Variants in IFNAR2 observed in about 807,000 individuals in gnomAD.
The protein encoded by IFNAR2 is interferon alpha and beta receptor subunit 2, also known as interferon alpha/beta receptor 2.
Under a neutral mutation model 49.4 loss-of-function variants are expected in IFNAR2, and 30 were observed. The ratio of observed to expected loss-of-function variants is 0.61; its 90% CI spans 0.45 to 0.82. IFNAR2 has a LOEUF of 0.82. Ranked by LOEUF, IFNAR2 falls within the 40% of genes least tolerant of loss-of-function variation. The probability of loss-of-function intolerance (pLI) is 0.00; values close to 1 mark genes in which losing one functional copy is unlikely to be tolerated. For synonymous variants in IFNAR2, 224 were observed against 234.5 expected (o/e 0.96, Z 0.41); for missense variants, 600 against 622.7 (o/e 0.96, Z 0.39).
In IFNAR2 at chr21:33,264,077, T is replaced by TC. The variant is rs1988822043; in HGVS notation, c.*578dup. 1 of 152,912 alleles carries TC rather than the reference T, an allele frequency of 6.5e-6. No individual in the cohort carries two copies. Among genetic ancestry groups the TC allele is most frequent in the African/African-American group, 2.4e-5 (1 of 41,536 alleles). 9.5% of individuals were successfully genotyped at this position (152,912 alleles called of 1,614,324 possible). A position where few individuals can be genotyped will look rare whatever the true frequency, so the allele number is the denominator to read the frequency against. ...TTTTACCATGTTGGCCAGGCTGGTC[T>TC]CAAACTCCTGACCTCAAGTGATCTG... is the stretch of plus-strand genomic sequence containing the variant. On this transcript the variant is annotated 3_prime_UTR_variant, in exon 9 of 9. Coordinates refer to ENST00000342136, the MANE Select transcript of IFNAR2 (RefSeq NM_001289125.3).
At chr21:33,243,208 A>G (rs570832685) in intron 2 of IFNAR2, among the ~76,000 whole-genome samples, 2 of 151,886 alleles carry the variant, frequency 1.3e-5, no homozygotes, top group East Asian at 3.9e-4. Flanking sequence ...TTAGCCTCCC[A>G]AGTAGTTGGG....
intron 6 of IFNAR2, among the ~76,000 whole-genome samples, chr21:33,249,298 C>T (rs924430104): frequency 2.7e-5 from 4 of 145,998 alleles, no homozygotes; most frequent in Non-Finnish European, 4.5e-5. Flanking sequence ...GAGCCGAGAT[C>T]GCACCATTGT....
At position 33,230,119 on chromosome 21, in the gene IFNAR2, G is replaced by C. The variant is rs535900527; in HGVS notation, c.-181G>C. 1.0e-6 allele frequency: 1 copy of C among 989,576 alleles called. No individual in the cohort carries two copies. Among genetic ancestry groups the C allele is most frequent in the South Asian group, 4.4e-5 (1 of 22,894 alleles). 61.3% of individuals were successfully genotyped at this position (989,576 alleles called of 1,614,324 possible). ...CGCTTCTGTCCGAGAGGCCGCCCGC[G>C]AGGCGCATCCTGACCGCGAGCGTCG... On this transcript the variant is annotated 5_prime_UTR_variant, in exon 1 of 9. Coordinates refer to ENST00000342136, the MANE Select transcript of IFNAR2 (RefSeq NM_001289125.3). This position sits in a 1 kb window ranked among gnomAD's most constrained non-coding sequence, Gnocchi z 5.5.
At chr21:33,246,677 A>T (rs1987433570) in intron 4 of IFNAR2, 41 bp from the exon 5 acceptor site, 1 of 1,546,910 alleles carries the variant, frequency 6.5e-7, no homozygotes, top group Admixed American at 1.8e-5. Context: ...TCATTACATC[A>T]ATGCTAACAA....
At chr21:33,244,218 A>C (rs952578890) in intron 3 of IFNAR2, among the ~76,000 whole-genome samples, 1 of 152,200 alleles carries the variant, frequency 6.6e-6, no homozygotes, top group African/African-American at 2.4e-5. Flanking sequence ...CAAAGGCCTG[A>C]GTCCTAACCA....
chr21:33,263,737 C>T lies in IFNAR2; in HGVS notation c.*237C>T, dbSNP rs200266441. On this transcript the variant is annotated 3_prime_UTR_variant, in exon 9 of 9. Transcript: ENST00000342136. The stretch of plus-strand genomic sequence containing the variant: ...GTGCACTTTGAAGGAAGCACATGTG[C>T]ACCTTTCCTTTACACTAATGCACTT... The T allele has an allele frequency of 7.5e-6, 4 of 535,630 alleles. No homozygotes were observed. Among genetic ancestry groups the T allele is most frequent in the Non-Finnish European group, 1.3e-5 (4 of 300,702 alleles). 33.2% of individuals were successfully genotyped at this position (535,630 alleles called of 1,614,324 possible).
At chr21:33,262,652 C>A in intron 8 of IFNAR2, 141 bp from the exon 9 acceptor site, 2 of 1,202,218 alleles carry the variant, frequency 1.7e-6, no homozygotes, top group Non-Finnish European at 1.2e-6. Context: ...CTCAAACAGT[C>A]GTCCTGCCTA....
At chr21:33,255,158 A>C (rs1988121961) in intron 7 of IFNAR2, among the ~76,000 whole-genome samples, 1 of 152,244 alleles carries the variant, frequency 6.6e-6, no homozygotes, top group South Asian at 2.1e-4. Context: ...TTAAAACTGC[A>C]TATAGATTCT....
chr21:33,240,895 A>G (rs912275448), intron 1 of IFNAR2, among the ~76,000 whole-genome samples: 6 of 152,158 alleles, frequency 3.9e-5, no homozygotes, highest in Admixed American at 1.3e-4. Context: ...TTGCAGCAAC[A>G]TGGATGGAAC....
In IFNAR2 at chr21:33,262,789, T is replaced by TA; in HGVS notation, c.841-2dup. On this transcript the variant is annotated splice_polypyrimidine_tract_variant and splice_region_variant and intron_variant, in intron 8 of 8. Transcript: ENST00000342136. ...CTCTCTCTCTCTTTTTTTTTTTTTT[T>TA]AAGAATTTTCATAACTTTTTAGCCT... The TA allele has an allele frequency of 6.4e-7, 1 of 1,561,016 alleles. No individual in the cohort carries two copies. Among genetic ancestry groups the TA allele is most frequent in the African/African-American group, 1.4e-5 (1 of 71,884 alleles).
chr21:33,238,241 T>C (rs1339379855), intron 1 of IFNAR2, among the ~76,000 whole-genome samples: 1 of 152,204 alleles, frequency 6.6e-6, no homozygotes, highest in African/African-American at 2.4e-5. Context: ...AACTCGTCTC[T>C]TACTGACCTG....
intron 1 of IFNAR2, chr21:33,236,764 A>T (rs771179364): frequency 4.1e-6 from 4 of 984,914 alleles, no homozygotes; most frequent in Non-Finnish European, 4.8e-6. Flanking sequence ...CTCACATTGA[A>T]AGATAAAATG....
intron 1 of IFNAR2, among the ~76,000 whole-genome samples, chr21:33,238,281 A>G (rs916425510): frequency 1.3e-5 from 2 of 152,066 alleles, no homozygotes; most frequent in African/African-American, 2.4e-5. Flanking sequence ...GTATTTTCCT[A>G]CTTTCTCTAA....
chr21:33,252,440 C>T, intron 6 of IFNAR2: 1 of 984,316 alleles, frequency 1.0e-6, no homozygotes, highest in Non-Finnish European at 1.2e-6. Context: ...GACTAGATGT[C>T]ATGGTTATAA....
At chr21:33,246,158 C>T (rs1987384027) in intron 4 of IFNAR2, among the ~76,000 whole-genome samples, 1 of 151,926 alleles carries the variant, frequency 6.6e-6, no homozygotes, top group African/African-American at 2.4e-5. Context: ...GCAAGCTCCA[C>T]CTCCCGGGTT....
At position 33,262,973 on chromosome 21, in the gene IFNAR2, G is replaced by T; in HGVS notation, c.1021G>T (p.Gly341Ter). 6.2e-7 allele frequency: 1 copy of T among 1,614,168 alleles called. No individual in the cohort carries two copies. The highest frequency in any genetic ancestry group is 8.5e-7 in the Non-Finnish European group (1 of 1,180,016). The change falls in exon 9 of 9, where the codon GGA becomes TGA. Residue 341 changes from glycine to a stop codon, truncating the protein, a stop_gained. Coordinates refer to ENST00000342136, the MANE Select transcript of IFNAR2 (RefSeq NM_001289125.3). LOFTEE classifies it high-confidence loss of function. ...AAGTGGCGGTGGCTATACCATGCAT[G>T]GACTGACTGTCAGGCCTCTGGGTCA... ...RTSGGGYTMH[G>*]LTVRPLGQAS...
chr21:33,249,120 G>A (rs1325641694), intron 6 of IFNAR2, among the ~76,000 whole-genome samples: 3 of 152,186 alleles, frequency 2.0e-5, no homozygotes, highest in East Asian at 3.9e-4. Context: ...GAGGCGGGCA[G>A]ATCATCTAAG....
At chr21:33,255,393 C>T (rs2123512514) in intron 7 of IFNAR2, among the ~76,000 whole-genome samples, 1 of 152,342 alleles carries the variant, frequency 6.6e-6, no homozygotes, top group East Asian at 1.9e-4. Context: ...TGCACTTCCA[C>T]CTGACTTGGC....
chr21:33,240,177 G>T (rs1986815990), intron 1 of IFNAR2, among the ~76,000 whole-genome samples: 1 of 152,180 alleles, frequency 6.6e-6, no homozygotes, highest in African/African-American at 2.4e-5. Context: ...AACCCCTAAT[G>T]ATGTCTTGGG....
Sources: gnomAD v4.1 joint callset for allele counts (sites outside exome capture counted in the v4.1 genomes callset) on GRCh38, gnomAD v4.1.1 for gene constraint, Gnocchi (gnomAD v3.1) non-coding constraint, MANE v1.5 for transcripts, NCBI Gene and HGNC (gene_info 2026-07-23, HGNC 2026-07-21) for gene names.